Variants in VPS8 observed in about 807,000 individuals in gnomAD.
The protein encoded by VPS8 is VPS8 subunit of CORVET complex.
VPS8 carries 129 observed loss-of-function variants against 216.4 expected under a neutral mutation model. The ratio of observed to expected loss-of-function variants is 0.60; its 90% CI spans 0.52 to 0.69. The LOEUF (loss-of-function observed/expected upper bound fraction) is 0.69, where lower values mean the gene tolerates loss of function less well. Among genes scored for constraint, VPS8 ranks in the 30% least tolerant of loss-of-function variants. The pLI, the probability that VPS8 is intolerant of heterozygous loss-of-function variation, is 0.00. For synonymous variants in VPS8, 571 were observed against 565.4 expected (o/e 1.01, Z -0.14); for missense variants, 1,531 against 1,683.5 (o/e 0.91, Z 1.59).
intron 36 of VPS8, among the ~76,000 whole-genome samples, chr3:184,953,071 C>T (rs1397232604): frequency 6.6e-6 from 1 of 152,196 alleles, no homozygotes; most frequent in Non-Finnish European, 1.5e-5. Context: ...GCTGGGAACT[C>T]AATTTTTAAG....
intron 1 of VPS8, among the ~76,000 whole-genome samples, chr3:184,818,503 CAG>C (rs1423460138): frequency 1.5e-5 from 2 of 136,122 alleles, no homozygotes; most frequent in South Asian, 2.4e-4. Flanking sequence ...GCCTGGGTGA[CAG>C]AGGGGGAACC....
chr3:185,023,707 A>G (rs1294361791), intron 45 of VPS8, among the ~76,000 whole-genome samples: 1 of 152,136 alleles, frequency 6.6e-6, no homozygotes, highest in Non-Finnish European at 1.5e-5. Context: ...ATCATGGCAT[A>G]TTGTCGCCAT....
chr3:184,982,401 TGCCCC>T, intron 40 of VPS8, 160 bp from the exon 41 acceptor site: 1 of 547,928 alleles, frequency 1.8e-6, no homozygotes, highest in Non-Finnish European at 3.2e-6. Context: ...TTTTTTTTTT[TGCCCC>T]AAATATTTCC....
intron 34 of VPS8, among the ~76,000 whole-genome samples, chr3:184,932,951 C>A (rs2109258045): frequency 6.6e-6 from 1 of 152,318 alleles, no homozygotes; most frequent in African/African-American, 2.4e-5. Flanking sequence ...TAGCCACATA[C>A]ATTTCTCTAA....
At chr3:185,046,218 T>C (rs1051476446) in intron 46 of VPS8, among the ~76,000 whole-genome samples, 1 of 152,232 alleles carries the variant, frequency 6.6e-6, no homozygotes, top group African/African-American at 2.4e-5. Context: ...GAACAGAGAT[T>C]ATGTTCATAT....
chr3:184,859,919 A>G, intron 14 of VPS8, 66 bp from the exon 15 acceptor site: 2 of 1,230,976 alleles, frequency 1.6e-6, no homozygotes, highest in South Asian at 2.6e-5. Context: ...GTGGAGTATA[A>G]TTAAATATCT....
At chr3:184,984,194 A>AAAAATAAAAACAAAAAAACTCACCAAG in intron 42 of VPS8, among the ~76,000 whole-genome samples, 1 of 46,528 alleles carries the variant, frequency 2.1e-5, no homozygotes, top group South Asian at 1.2e-3. Flanking sequence ...AAAAAAAAAA[A>AAAAATAAAAACAAAAAAACTCACCAAG]CTCTACTTCC....
Position 184,854,030 on chromosome 3 carries a change from A to G in VPS8, c.975+20A>G. 6.2e-7 allele frequency: 1 copy of G among 1,613,160 alleles called. No homozygotes were observed. Among genetic ancestry groups the G allele is most frequent in the Non-Finnish European group, 8.5e-7 (1 of 1,179,428 alleles). On this transcript the variant is annotated intron_variant, in intron 12 of 47. Transcript: ENST00000625842. ...ACAAAAGTAAGTGTATTTAGAAGTT[A>G]AAACTCAGAACTTTTAGAAGCTTTG... is the stretch of plus-strand genomic sequence containing the variant.
chr3:184,842,214 A>T lies in VPS8; in HGVS notation c.536-1026A>T, dbSNP rs575995964. ...AAAAAAAAAAAAAAAAAAAAAGAAT[A>T]TGTGACTGCTTATCATCAAACTCAA... On this transcript the variant is annotated intron_variant, in intron 7 of 47. Coordinates refer to ENST00000625842, the MANE Select transcript of VPS8 (RefSeq NM_001009921.3). Among the ~76,000 whole-genome samples the T allele has an allele frequency of 4.0e-5, 6 of 149,832 alleles. No homozygotes were observed. In the East Asian group the frequency reaches 1.2e-3, roughly 29 times the overall value.
chr3:185,018,200 C>T (rs1226102303), intron 45 of VPS8, among the ~76,000 whole-genome samples: 1 of 152,132 alleles, frequency 6.6e-6, no homozygotes, highest in Non-Finnish European at 1.5e-5. Flanking sequence ...GCCTGGCAAT[C>T]GGGATTAGCA....
chr3:185,004,802 C>G (rs1754009932), intron 45 of VPS8, among the ~76,000 whole-genome samples: 1 of 152,092 alleles, frequency 6.6e-6, no homozygotes, highest in Admixed American at 6.5e-5. Context: ...TTTTCTCCCA[C>G]TCTATGGGCT....
intron 6 of VPS8, 162 bp downstream of exon 6, chr3:184,838,908 C>A: frequency 5.4e-6 from 3 of 551,798 alleles, no homozygotes; most frequent in East Asian, 6.9e-5. Context: ...ATGTTGAATG[C>A]TTTCTTTTTT....
chr3:184,901,317 C>T (rs930785235), intron 25 of VPS8: 2 of 218,662 alleles, frequency 9.1e-6, no homozygotes, highest in Non-Finnish European at 1.8e-5. Flanking sequence ...TGAGAGTCAT[C>T]CATGTTGTTT....
chr3:184,984,068 C>T (rs1201322145), intron 42 of VPS8, among the ~76,000 whole-genome samples: 2 of 149,606 alleles, frequency 1.3e-5, no homozygotes, highest in Admixed American at 1.3e-4. Context: ...CCTGTAGTCC[C>T]AGTTACTTGG....
chr3:185,016,284 G>A (rs978448332), intron 45 of VPS8, among the ~76,000 whole-genome samples: 2 of 152,184 alleles, frequency 1.3e-5, no homozygotes, highest in Admixed American at 1.3e-4. Context: ...TCTGAATTCT[G>A]TCAGAAGCTA....
chr3:184,977,863 T>C (rs1475235291), intron 40 of VPS8, among the ~76,000 whole-genome samples: 1 of 148,208 alleles, frequency 6.7e-6, no homozygotes, highest in East Asian at 2.0e-4. Context: ...TCAGGAATAT[T>C]AGCCTGATGT....
intron 40 of VPS8, among the ~76,000 whole-genome samples, chr3:184,981,453 G>A (rs1418521009): frequency 4.5e-5 from 5 of 110,300 alleles, no homozygotes; most frequent in African/African-American, 1.7e-4. Context: ...TTTTTTTTGA[G>A]ACCGAGTCTT....
chr3:184,984,716 A>C (rs376732732), intron 42 of VPS8, among the ~76,000 whole-genome samples: 5 of 152,246 alleles, frequency 3.3e-5, no homozygotes, highest in African/African-American at 1.2e-4. Context: ...GTTTCTAATC[A>C]TGTATAAAGT....
At chr3:185,017,772 A>T (rs1331536048) in intron 45 of VPS8, among the ~76,000 whole-genome samples, 1 of 152,086 alleles carries the variant, frequency 6.6e-6, no homozygotes, top group Non-Finnish European at 1.5e-5. Flanking sequence ...GGGGACAGAC[A>T]TTGTACGGGG....
Sources: gnomAD v4.1 joint callset for allele counts (sites outside exome capture counted in the v4.1 genomes callset) on GRCh38, gnomAD v4.1.1 for gene constraint, MANE v1.5 for transcripts, NCBI Gene and HGNC (gene_info 2026-07-23, HGNC 2026-07-21) for gene names.